PPP2R2B: variants seen among roughly 807,000 people sequenced by gnomAD.
PPP2R2B encodes the protein protein phosphatase 2 regulatory subunit Bbeta.
Under a neutral mutation model 46.0 loss-of-function variants are expected in PPP2R2B, and 5 were observed. That is an observed-to-expected ratio of 0.11 (90% CI 0.06 to 0.23). The LOEUF (loss-of-function observed/expected upper bound fraction) is 0.23, where lower values mean the gene tolerates loss of function less well. PPP2R2B is among the 10% of genes least tolerant of loss of function. The pLI is 1.00. For synonymous variants in PPP2R2B, 215 were observed against 206.7 expected, an observed-to-expected ratio of 1.04 and a Z score of -0.34; for missense variants, 367 against 575.0, an observed-to-expected ratio of 0.64 and a Z score of 3.70.
intron 1 of PPP2R2B, among the ~76,000 whole-genome samples, chr5:147,021,860 T>C (rs762364763): frequency 1.3e-5 from 2 of 152,128 alleles, no homozygotes; most frequent in Non-Finnish European, 1.5e-5. Flanking sequence ...AAGCAAACTC[T>C]AAAAATGATA....
chr5:146,805,215 T>A (rs979231330), intron 2 of PPP2R2B, among the ~76,000 whole-genome samples: 2 of 152,136 alleles, frequency 1.3e-5, no homozygotes, highest in East Asian at 3.9e-4. Context: ...CAGAAACCAT[T>A]TGGGGACCCT....
At chr5:146,851,784 A>C (rs1298957541) in intron 2 of PPP2R2B, among the ~76,000 whole-genome samples, 1 of 152,102 alleles carries the variant, frequency 6.6e-6, no homozygotes, top group African/African-American at 2.4e-5. Context: ...TAAGATGCAT[A>C]TCTCAACAGA....
At chr5:146,970,539 A>G (rs1271814351) in intron 1 of PPP2R2B, among the ~76,000 whole-genome samples, 1 of 152,080 alleles carries the variant, frequency 6.6e-6, no homozygotes, top group Non-Finnish European at 1.5e-5. Context: ...GGAGGTTAAC[A>G]GTTAGCCAAG....
In PPP2R2B at chr5:146,892,717, G is replaced by A. The variant is rs141056203; in HGVS notation, c.79+162948C>T. ...TGTTAATCAGTGTTCTGGGAAAAGA[G>A]GTGCAGTTTGAAAAAAAGCGTCATG... On this transcript the variant is annotated intron_variant, in intron 1 of 8. Transcript: ENST00000336640. Among the ~76,000 whole-genome samples the A allele has an allele frequency of 3.9e-5, 6 of 152,152 alleles. No individual in the cohort carries two copies. The East Asian group carries it at 9.7e-4, about 24-fold the overall frequency.
At chr5:147,031,593 G>T (rs1000320574) in intron 1 of PPP2R2B, among the ~76,000 whole-genome samples, 4 of 151,548 alleles carry the variant, frequency 2.6e-5, no homozygotes, top group East Asian at 1.9e-4. Context: ...TATTGATATT[G>T]CTCATTACCT....
chr5:147,029,408 T>C (rs989284684), intron 1 of PPP2R2B, among the ~76,000 whole-genome samples: 2 of 152,328 alleles, frequency 1.3e-5, no homozygotes, highest in African/African-American at 4.8e-5. Flanking sequence ...TTTTCTCCAT[T>C]GCTCTGCAAT....
intron 1 of PPP2R2B, among the ~76,000 whole-genome samples, chr5:146,952,700 T>A (rs1207374231): frequency 2.6e-5 from 4 of 152,170 alleles, no homozygotes; most frequent in Non-Finnish European, 1.5e-5. Context: ...AGGTACAATG[T>A]TATAAGAAAG....
intron 1 of PPP2R2B, among the ~76,000 whole-genome samples, chr5:147,001,627 A>C (rs932222805): frequency 6.6e-6 from 1 of 152,100 alleles, no homozygotes; most frequent in African/African-American, 2.4e-5. Context: ...TTCCAGACAT[A>C]TTTTGGTGAC....
chr5:146,664,192 C>G (rs1377820440), intron 5 of PPP2R2B, among the ~76,000 whole-genome samples: 2 of 152,188 alleles, frequency 1.3e-5, no homozygotes, highest in Non-Finnish European at 2.9e-5. Context: ...TCGATCGACT[C>G]TTCCTTTCAT....
In PPP2R2B at chr5:147,007,079, T is replaced by C. The variant is rs1171915905; in HGVS notation, c.79+48586A>G. Among the ~76,000 whole-genome samples the C allele has an allele frequency of 3.9e-5, 6 of 152,196 alleles. 1 individual carries two copies. The East Asian group carries it at 7.7e-4, about 20-fold the overall frequency. On this transcript the variant is annotated intron_variant, in intron 1 of 8. Transcript: ENST00000336640. Reference sequence around the variant, plus strand: ...ATTGAGGCCATCAAGCTACAGATGGTCTTACAAATGGAACCCCAAGTGAGC... The same window carrying C: ...ATTGAGGCCATCAAGCTACAGATGGCCTTACAAATGGAACCCCAAGTGAGC...
At chr5:146,807,258 C>T (rs1263569699) in intron 2 of PPP2R2B, among the ~76,000 whole-genome samples, 1 of 152,308 alleles carries the variant, frequency 6.6e-6, no homozygotes, top group East Asian at 1.9e-4. Flanking sequence ...TGTCACAGAA[C>T]ATCTATTTCA....
At chr5:146,889,244 G>T (rs1287179774) in intron 1 of PPP2R2B, among the ~76,000 whole-genome samples, 2 of 152,130 alleles carry the variant, frequency 1.3e-5, no homozygotes, top group East Asian at 1.9e-4. Context: ...TTTTGCCCTA[G>T]GCTTCTTGGA....
rs148487491 is a variant in PPP2R2B, at chr5:146,672,054, G to A, written c.447+19074C>T. 3.9e-5 allele frequency among the ~76,000 whole-genome samples: 6 copies of A among 152,274 alleles called. No individual in the cohort carries two copies. The East Asian group carries it at 5.8e-4, about 15-fold the overall frequency. ...AAAGGAGAATATAAGTGGTGAAGAC[G>A]GAAGCCAGGCTGCTGGAGCTTGGCA... is the stretch of plus-strand genomic sequence containing the variant. On this transcript the variant is annotated intron_variant, in intron 5 of 9. Coordinates refer to ENST00000394411, the MANE Select transcript of PPP2R2B (RefSeq NM_181675.4).
chr5:147,055,857 C>T, exon 1 of PPP2R2B: 1 of 1,476,074 alleles, frequency 6.8e-7, no homozygotes, highest in South Asian at 1.4e-5. Context: ...GGTTCTTTCC[C>T]AGATTTGCAA....
chr5:146,891,939 G>C (rs1340731986), intron 1 of PPP2R2B, among the ~76,000 whole-genome samples: 2 of 152,184 alleles, frequency 1.3e-5, no homozygotes, highest in Non-Finnish European at 2.9e-5. Flanking sequence ...ACCCTTCTAA[G>C]AGTGGGTCTT....
intron 3 of PPP2R2B, among the ~76,000 whole-genome samples, chr5:146,699,811 G>A (rs769987992): frequency 1.3e-5 from 2 of 152,014 alleles, no homozygotes; most frequent in Non-Finnish European, 2.9e-5. Context: ...TTATAAGAGT[G>A]TTGATTTGCT....
At chr5:146,774,803 C>G (rs565998805) in intron 2 of PPP2R2B, among the ~76,000 whole-genome samples, 29 of 133,144 alleles carry the variant, frequency 2.2e-4, no homozygotes, top group Non-Finnish European at 4.7e-5. Context: ...GGAGATAGAG[C>G]AAGACTCTGT....
intron 1 of PPP2R2B, among the ~76,000 whole-genome samples, chr5:146,928,689 G>T (rs1763868903): frequency 6.6e-6 from 1 of 152,114 alleles, no homozygotes; most frequent in Non-Finnish European, 1.5e-5. Context: ...CACCCAGAGT[G>T]ATCCTTAAAC....
intron 1 of PPP2R2B, among the ~76,000 whole-genome samples, chr5:146,975,037 C>T (rs1752837201): frequency 6.6e-6 from 1 of 152,074 alleles, no homozygotes; most frequent in African/African-American, 2.4e-5. Context: ...TGTGATACAA[C>T]ACATAGAATG....
Sources: allele counts gnomAD v4.1 joint callset (sites outside exome capture counted in the v4.1 genomes callset), GRCh38; gene constraint gnomAD v4.1.1; transcripts MANE v1.5; gene names NCBI Gene and HGNC (gene_info 2026-07-23, HGNC 2026-07-21).